Variants in EFCAB6 observed in about 807,000 individuals in gnomAD.
EFCAB6 encodes EF-hand calcium-binding domain-containing protein 6.
EFCAB6 carries 156 observed loss-of-function variants against 169.8 expected under a neutral mutation model. That is an observed-to-expected ratio of 0.92 (90% CI 0.81 to 1.05). The LOEUF is 1.05. Among genes scored for constraint, EFCAB6 ranks in the 50% least tolerant of loss-of-function variants. EFCAB6 has a pLI of 0.00. For missense variants in EFCAB6, 1,800 were observed against 1,829.1 expected (o/e 0.98, Z 0.29); for synonymous variants, 698 against 676.4 (o/e 1.03, Z -0.50).
intron 2 of EFCAB6, among the ~76,000 whole-genome samples, chr22:43,798,653 T>C (rs2062596354): frequency 6.6e-6 from 1 of 152,190 alleles, no homozygotes; most frequent in Admixed American, 6.5e-5. Context: ...GCAACTGACA[T>C]CATCACTACG....
intron 5 of EFCAB6, among the ~76,000 whole-genome samples, chr22:43,762,950 G>T (rs2061213381): frequency 6.6e-6 from 1 of 152,174 alleles, no homozygotes; most frequent in Admixed American, 6.5e-5. Context: ...AATCATCTTA[G>T]TCCCCACTTA....
At chr22:43,554,553 C>T in intron 27 of EFCAB6, 1 of 346,136 alleles carries the variant, frequency 2.9e-6, no homozygotes, top group Non-Finnish European at 5.3e-6. Context: ...TAGTTGCTGC[C>T]CATGACAGAC....
intron 22 of EFCAB6, among the ~76,000 whole-genome samples, chr22:43,600,823 C>G (rs1037971551): frequency 2.6e-5 from 4 of 152,040 alleles, no homozygotes; most frequent in Non-Finnish European, 4.4e-5. Context: ...CCACCATGCC[C>G]GGCTAATGTT....
At chr22:43,656,719 G>A (rs1012033107) in intron 17 of EFCAB6, among the ~76,000 whole-genome samples, 1 of 151,840 alleles carries the variant, frequency 6.6e-6, no homozygotes, top group Admixed American at 6.6e-5. Context: ...TAGCACCTAG[G>A]TTTGTTGTAA....
intron 27 of EFCAB6, chr22:43,554,489 C>T: frequency 5.4e-6 from 1 of 184,540 alleles, no homozygotes; most frequent in Non-Finnish European, 1.1e-5. Flanking sequence ...GCCTTTTTTA[C>T]CTACAACTGT....
At chr22:43,711,045 G>A (rs1169091335) in intron 10 of EFCAB6, among the ~76,000 whole-genome samples, 3 of 152,144 alleles carry the variant, frequency 2.0e-5, no homozygotes, top group Admixed American at 2.0e-4. Context: ...TTTGGATCCT[G>A]ATTTAAATAA....
chr22:43,577,122 C>G (rs1056064316), intron 25 of EFCAB6, among the ~76,000 whole-genome samples: 2 of 152,190 alleles, frequency 1.3e-5, no homozygotes, highest in Non-Finnish European at 2.9e-5. Flanking sequence ...TGGGTCTGCA[C>G]TGGAGCAGCG....
At chr22:43,811,497 G>A (rs1032670054) in intron 1 of EFCAB6, among the ~76,000 whole-genome samples, 5 of 152,168 alleles carry the variant, frequency 3.3e-5, no homozygotes, top group Non-Finnish European at 7.3e-5. Flanking sequence ...AGTAGAGAGA[G>A]GGGTGATTTG....
intron 23 of EFCAB6, among the ~76,000 whole-genome samples, chr22:43,593,631 G>A (rs766487325): frequency 6.6e-6 from 1 of 152,116 alleles, no homozygotes; most frequent in African/African-American, 2.4e-5. Flanking sequence ...GTAATTCAGG[G>A]GTGTGTTCGA....
rs150389427 is a variant in EFCAB6 at position 43,772,258 on chromosome 22, G to A, written c.351+634C>T. On this transcript the variant is annotated intron_variant, in intron 4 of 31. Transcript: ENST00000262726. ...GGCTCTAGCATAAAGCCAATGCTCC[G>A]TAACTATTTGATGAAGGGAAAAAAT... 4.7e-3 allele frequency among the ~76,000 whole-genome samples: 710 copies of A among 152,276 alleles called. 5 individuals are homozygous for A. The highest frequency in any genetic ancestry group is 0.014 in the Middle Eastern group (4 of 294).
rs1430669062 is a variant in EFCAB6 at position 43,687,577 on chromosome 22, C to T, written c.1036G>A (p.Gly346Arg). The change falls in exon 11 of 32, where the codon GGA (glycine) becomes AGA (arginine). Residue 346 changes from glycine to arginine, a missense_variant. By Grantham distance (125) the Gly-to-Arg change is moderately radical. Transcript: ENST00000262726. Reference protein sequence around the residue: ...RIFIQLMKRFGLKATTKINWK... With the variant: ...RIFIQLMKRFRLKATTKINWK... ...TTGATTTTAGTGGTGGCTTTAAGTC[C>T]AAATCTGGATTTAAAAGTAACAACA... 10 of 1,576,124 alleles carry T rather than the reference C, an allele frequency of 6.3e-6. No individual in the cohort carries two copies. The highest frequency in any genetic ancestry group is 8.6e-6 in the Non-Finnish European group (10 of 1,156,820).
Position 43,534,886 on chromosome 22 carries a change from T to C in EFCAB6, c.4049-14A>G, listed in dbSNP as rs776740516. 1 of 1,591,992 alleles carries C rather than the reference T, an allele frequency of 6.3e-7. No individual in the cohort carries two copies. ...TCTCCACAAGAGCTACAGAAAAAAATGGCAGTTCAATTGGTGGCGATTCAT... is the reference window on the plus strand; with the variant it reads ...TCTCCACAAGAGCTACAGAAAAAAACGGCAGTTCAATTGGTGGCGATTCAT... On this transcript the variant is annotated splice_polypyrimidine_tract_variant and intron_variant, in intron 29 of 31. Transcript: ENST00000262726.
intron 10 of EFCAB6, among the ~76,000 whole-genome samples, chr22:43,707,774 G>A (rs539205297): frequency 6.6e-6 from 1 of 152,204 alleles, no homozygotes; most frequent in African/African-American, 2.4e-5. Flanking sequence ...ATTGACTCCA[G>A]AAGAAAGGAG....
At chr22:43,723,236 T>C (rs959786841) in intron 8 of EFCAB6, among the ~76,000 whole-genome samples, 1 of 152,204 alleles carries the variant, frequency 6.6e-6, no homozygotes, top group Non-Finnish European at 1.5e-5. Flanking sequence ...CTGGTAAAGA[T>C]GCTATGAACA....
Position 43,580,618 on chromosome 22 carries a change from T to C in EFCAB6, c.3074A>G (p.Asp1025Gly). 1 of 1,614,126 alleles carries C rather than the reference T, an allele frequency of 6.2e-7. No homozygotes were observed. Among genetic ancestry groups the C allele is most frequent in the South Asian group, 1.1e-5 (1 of 91,072 alleles). ...SRHDNAINYL[D>G]FLRAVENSKS... ...GCTGTTCTCCACTGCTCTCAGGAAG[T>C]CGAGGTAATTGATAGCATTATCATG... is the stretch of plus-strand genomic sequence containing the variant. Residue 1025 changes from aspartate to glycine, a missense_variant, in exon 25 of 32, where the codon GAC (aspartate) becomes GGC (glycine). Physicochemically the swap from Asp to Gly is moderately conservative, Grantham distance 94. Coordinates refer to ENST00000262726, the MANE Select transcript of EFCAB6 (RefSeq NM_022785.4).
At chr22:43,591,674 A>C (rs748107293) in intron 23 of EFCAB6, among the ~76,000 whole-genome samples, 1 of 152,068 alleles carries the variant, frequency 6.6e-6, no homozygotes, top group African/African-American at 2.4e-5. Context: ...CCTTACACTC[A>C]CAGTGAGGGA....
chr22:43,549,399 C>T (rs543529890), intron 27 of EFCAB6, among the ~76,000 whole-genome samples: 16 of 152,168 alleles, frequency 1.1e-4, no homozygotes, highest in African/African-American at 3.9e-4. Flanking sequence ...GATAACAGTA[C>T]ACTATTAATA....
chr22:43,796,685 T>C (rs2062520735), intron 2 of EFCAB6, among the ~76,000 whole-genome samples: 1 of 152,082 alleles, frequency 6.6e-6, no homozygotes, highest in South Asian at 2.1e-4. Flanking sequence ...ACAATTACGC[T>C]CTCTCCCAGC....
At chr22:43,797,730 A>G (rs2062563247) in intron 2 of EFCAB6, among the ~76,000 whole-genome samples, 2 of 151,890 alleles carry the variant, frequency 1.3e-5, no homozygotes, top group South Asian at 2.1e-4. Flanking sequence ...GAACACTCCA[A>G]TTGCCTCCTA....
Sources: allele counts gnomAD v4.1 joint callset (sites outside exome capture counted in the v4.1 genomes callset), GRCh38; gene constraint gnomAD v4.1.1; transcripts MANE v1.5; gene names NCBI Gene and HGNC (gene_info 2026-07-23, HGNC 2026-07-21).